CPEB3: variants seen among roughly 807,000 people sequenced by gnomAD.
CPEB3 encodes the protein cytoplasmic polyadenylation element-binding protein 3.
In CPEB3, 20 loss-of-function variants were observed where a neutral mutation model predicts 67.2. The observed-to-expected ratio is 0.30, with a 90% CI of 0.21 to 0.43. CPEB3 has a LOEUF of 0.43. Among genes scored for constraint, CPEB3 ranks in the 20% least tolerant of loss-of-function variants. The pLI is 1.00. For synonymous variants in CPEB3, 376 were observed against 393.1 expected (o/e 0.96, Z 0.51); for missense variants, 746 against 968.6 (o/e 0.77, Z 3.05).
chr10:92,128,993 T>C (rs929629574), intron 6 of CPEB3, among the ~76,000 whole-genome samples: 1 of 152,220 alleles, frequency 6.6e-6, no homozygotes, highest in Non-Finnish European at 1.5e-5. Context: ...TTACTGGGTA[T>C]ATACTCAAAG....
At chr10:92,182,659 C>G (rs193131203) in intron 3 of CPEB3, among the ~76,000 whole-genome samples, 227 of 152,126 alleles carry the variant, frequency 1.5e-3, no homozygotes, top group Admixed American at 2.4e-3. Context: ...AACCCCATCT[C>G]TACTAAAAAT....
At chr10:92,112,366 C>T (rs551153467) in intron 6 of CPEB3, among the ~76,000 whole-genome samples, 1 of 152,096 alleles carries the variant, frequency 6.6e-6, no homozygotes, top group South Asian at 2.1e-4. Flanking sequence ...GCTGGTCTCA[C>T]ACTCCTGACT....
intron 9 of CPEB3, among the ~76,000 whole-genome samples, chr10:92,071,425 A>T (rs972846463): frequency 2.6e-5 from 4 of 152,070 alleles, no homozygotes; most frequent in African/African-American, 9.7e-5. Context: ...AACTGATTCT[A>T]CACTTTAAAA....
intron 2 of CPEB3, among the ~76,000 whole-genome samples, chr10:92,217,226 A>ATT (rs1850465488): frequency 7.2e-6 from 1 of 138,580 alleles, no homozygotes; most frequent in African/African-American, 2.9e-5. Context: ...AAAAAAAAAA[A>ATT]AAAAAAAATT....
intron 1 of CPEB3, among the ~76,000 whole-genome samples, chr10:92,279,268 A>G (rs2135057689): frequency 6.6e-6 from 1 of 152,314 alleles, no homozygotes; most frequent in Middle Eastern, 3.4e-3. Context: ...GCAATTGGAA[A>G]TAACAGATCA....
At chr10:92,272,641 G>A (rs1853357305) in intron 1 of CPEB3, among the ~76,000 whole-genome samples, 1 of 152,168 alleles carries the variant, frequency 6.6e-6, no homozygotes, top group African/African-American at 2.4e-5. Context: ...GCCAGGCTCT[G>A]TACTAGGCAC....
intron 2 of CPEB3, among the ~76,000 whole-genome samples, chr10:92,211,200 T>C (rs1484836400): frequency 6.6e-6 from 1 of 152,234 alleles, no homozygotes; most frequent in African/African-American, 2.4e-5. Context: ...AATATAAGCA[T>C]TCAGCCACTT....
chr10:92,217,487 C>T lies in CPEB3; in HGVS notation c.1005+21859G>A, dbSNP rs149743061. Among the ~76,000 whole-genome samples the T allele has an allele frequency of 9.2e-3, 1,407 of 152,222 alleles. 14 individuals carry two copies. Among genetic ancestry groups the T allele is most frequent in the South Asian group, 0.021 (100 of 4,822 alleles). On this transcript the variant is annotated intron_variant, in intron 2 of 9. Coordinates refer to ENST00000265997, the MANE Select transcript of CPEB3 (RefSeq NM_014912.5). ...ATTAAATTCATATTAACAAGCTGGG[C>T]GTGGTGGCTCATGCCTGTAATCCCA...
chr10:92,239,588 G>C lies in CPEB3; in HGVS notation c.763C>G (p.Pro255Ala), dbSNP rs779469525. Reference sequence around the variant, plus strand: ...TGCAGGCCGCCCCAGGGGTTGGACGGTGCGCTCCAGGCTGCATTCACGCTT... The same window carrying C: ...TGCAGGCCGCCCCAGGGGTTGGACGCTGCGCTCCAGGCTGCATTCACGCTT... Reference protein sequence around the residue: ...HQSVNAAWSAPSNPWGGLQAG... With the variant: ...HQSVNAAWSAASNPWGGLQAG... Residue 255 changes from proline (P) to alanine (A), a missense_variant, in exon 2 of 10, where the codon CCG (proline) becomes GCG (alanine). Pro to Ala is a conservative substitution (Grantham distance 27, BLOSUM62 -1). This residue lies in a region of CPEB3 where 643 missense variants were observed against 717.5 expected (regional missense o/e 0.90). Transcript: ENST00000265997. This position sits in a 1 kb window ranked among gnomAD's most constrained non-coding sequence, Gnocchi z 6.0. 16 of 1,554,534 alleles carry C rather than the reference G, an allele frequency of 1.0e-5. No homozygotes were observed. In the Admixed American group the frequency reaches 1.4e-4, roughly 13 times the overall value.
intron 1 of CPEB3, among the ~76,000 whole-genome samples, chr10:92,285,265 C>T (rs957837412): frequency 6.6e-6 from 1 of 152,112 alleles, no homozygotes; most frequent in Non-Finnish European, 1.5e-5. Context: ...TTCTTTCTTT[C>T]TTTCTTTCTT....
rs530847645 is a variant in CPEB3, at chr10:92,275,998, G to A, written c.-12+14928C>T. 9.2e-5 allele frequency among the ~76,000 whole-genome samples: 14 copies of A among 151,644 alleles called. No individual in the cohort carries two copies. The South Asian group carries it at 1.2e-3, about 14-fold the overall frequency. On this transcript the variant is annotated intron_variant, in intron 1 of 9. Transcript: ENST00000265997. ...CAAGTAGCTGGGACTACTGGCACCCGCCACCATGCCTGCCTAATTTTTTGT... is the reference window on the plus strand; with the variant it reads ...CAAGTAGCTGGGACTACTGGCACCCACCACCATGCCTGCCTAATTTTTTGT...
chr10:92,190,834 CAA>C (rs963770561), intron 3 of CPEB3, among the ~76,000 whole-genome samples: 3 of 152,098 alleles, frequency 2.0e-5, no homozygotes, highest in Non-Finnish European at 2.9e-5. Context: ...TCTTTTGACC[CAA>C]AGACTCTCAC....
intron 1 of CPEB3, among the ~76,000 whole-genome samples, chr10:92,270,579 T>A (rs1320593065): frequency 1.3e-5 from 2 of 149,852 alleles, no homozygotes; most frequent in Non-Finnish European, 3.0e-5. Flanking sequence ...TTTTTTTTTT[T>A]TGACACAGGT....
Position 92,143,012 on chromosome 10 carries a change from C to G in CPEB3, c.1453+17G>C. 1.9e-6 allele frequency: 3 copies of G among 1,589,318 alleles called. No homozygotes were observed. The highest frequency in any genetic ancestry group is 1.7e-5 in the Admixed American group (1 of 59,670). Reference sequence around the variant, plus strand: ...CTCTCCAACAGGCAAGCAGTGGAAACATTTTAAGAGCATTACCTTTAGGAG... The same window carrying G: ...CTCTCCAACAGGCAAGCAGTGGAAAGATTTTAAGAGCATTACCTTTAGGAG... On this transcript the variant is annotated intron_variant, in intron 6 of 9. Transcript: ENST00000265997.
chr10:92,247,376 C>T (rs1321111048), intron 1 of CPEB3, among the ~76,000 whole-genome samples: 1 of 151,854 alleles, frequency 6.6e-6, no homozygotes, highest in African/African-American at 2.4e-5. Context: ...CACCACCAAG[C>T]CTAATTATTT....
chr10:92,159,014 C>T (rs1233313410), intron 4 of CPEB3, among the ~76,000 whole-genome samples: 1 of 152,184 alleles, frequency 6.6e-6, no homozygotes, highest in Non-Finnish European at 1.5e-5. Flanking sequence ...GTAATCCCAG[C>T]ACTTTGGGAG....
At chr10:92,285,016 T>C (rs920576065) in intron 1 of CPEB3, among the ~76,000 whole-genome samples, 5 of 152,218 alleles carry the variant, frequency 3.3e-5, no homozygotes, top group African/African-American at 1.2e-4. Flanking sequence ...AAGTCCAAGA[T>C]CAAGGGGCAT....
intron 6 of CPEB3, among the ~76,000 whole-genome samples, chr10:92,126,312 C>T (rs1845607649): frequency 6.6e-6 from 1 of 152,144 alleles, no homozygotes; most frequent in South Asian, 2.1e-4. Flanking sequence ...CCCCTTGTTA[C>T]TCATAACCAC....
At chr10:92,134,278 A>T (rs1845982923) in intron 6 of CPEB3, among the ~76,000 whole-genome samples, 1 of 152,190 alleles carries the variant, frequency 6.6e-6, no homozygotes, top group Non-Finnish European at 1.5e-5. Context: ...CCATCATCTC[A>T]GCCCAAAATC....
Sources: allele counts gnomAD v4.1 joint callset (sites outside exome capture counted in the v4.1 genomes callset), GRCh38; gene constraint gnomAD v4.1.1; regional missense constraint gnomAD v4.1.1; non-coding constraint Gnocchi (gnomAD v3.1); transcripts MANE v1.5; gene names NCBI Gene and HGNC (gene_info 2026-07-23, HGNC 2026-07-21).